Variants in SCMH1 observed in about 807,000 individuals in gnomAD.
SCMH1 encodes the protein Scm polycomb group protein homolog 1, also known as polycomb protein SCMH1.
A neutral mutation model predicts 70.8 loss-of-function variants in SCMH1; 37 were observed. The ratio of observed to expected loss-of-function variants is 0.52; its 90% CI spans 0.40 to 0.69. SCMH1 has a LOEUF of 0.69. SCMH1 is among the 30% of genes least tolerant of loss of function. The pLI is 0.00. For missense variants in SCMH1, 607 were observed against 827.3 expected (o/e 0.73, Z 3.27); for synonymous variants, 292 against 307.4 (o/e 0.95, Z 0.52).
At chr1:41,087,590 G>A (rs896776576) in intron 8 of SCMH1, among the ~76,000 whole-genome samples, 1 of 151,652 alleles carries the variant, frequency 6.6e-6, no homozygotes, top group Non-Finnish European at 1.5e-5. Flanking sequence ...AAAGAGAAAT[G>A]CAAATTAAAA....
At chr1:41,075,849 G>C (rs902222766) in intron 8 of SCMH1, among the ~76,000 whole-genome samples, 1 of 152,148 alleles carries the variant, frequency 6.6e-6, no homozygotes, top group African/African-American at 2.4e-5. Flanking sequence ...GCCCTCCGCA[G>C]GTTACATAGT....
chr1:41,227,020 G>C (rs1660397006), intron 1 of SCMH1, among the ~76,000 whole-genome samples: 1 of 152,176 alleles, frequency 6.6e-6, no homozygotes, highest in Admixed American at 6.5e-5. Flanking sequence ...AGATAGTTCT[G>C]CATCCCCATC....
intron 10 of SCMH1, among the ~76,000 whole-genome samples, chr1:41,059,568 A>C (rs778313434): frequency 4.3e-4 from 65 of 152,036 alleles, no homozygotes; most frequent in Non-Finnish European, 7.8e-4. Flanking sequence ...AACCCTCCAC[A>C]TTCACCATTC....
chr1:41,160,844 A>T (rs777384198), intron 4 of SCMH1, 31 bp downstream of exon 4: 2 of 1,544,774 alleles, frequency 1.3e-6, no homozygotes, highest in South Asian at 2.4e-5. Context: ...AATTCCCCTT[A>T]TTTAACAGAA....
Position 41,091,860 on chromosome 1 carries a change from T to G in SCMH1, c.746-16409A>C, listed in dbSNP as rs532648599. ...AGGAGAACTACAAACCACTGCTCAA[T>G]GAAATAAAAGAGGACACAAACAAAT... is the stretch of plus-strand genomic sequence containing the variant. On this transcript the variant is annotated intron_variant, in intron 8 of 14. Transcript: ENST00000337495. 5.5e-3 allele frequency among the ~76,000 whole-genome samples: 829 copies of G among 152,000 alleles called. 2 individuals carry two copies. The highest frequency in any genetic ancestry group is 0.018 in the African/African-American group (753 of 41,436).
chr1:41,241,629 C>T (rs1430912200), intron 1 of SCMH1, among the ~76,000 whole-genome samples: 2 of 152,072 alleles, frequency 1.3e-5, no homozygotes, highest in Non-Finnish European at 2.9e-5. Flanking sequence ...GACGGGGTCG[C>T]GCCGCCGCCC....
intron 13 of SCMH1, among the ~76,000 whole-genome samples, chr1:41,031,870 GCTA>G (rs1162069443): frequency 1.3e-5 from 2 of 152,052 alleles, no homozygotes; most frequent in East Asian, 1.9e-4. Context: ...ATACACACAT[GCTA>G]CTGACTGAAT....
At position 41,190,121 on chromosome 1, in the gene SCMH1, C is replaced by G. The variant is rs530249015; in HGVS notation, c.-117-3871G>C. Among the ~76,000 whole-genome samples the G allele has an allele frequency of 5.9e-5, 9 of 152,240 alleles. No individual in the cohort carries two copies. The South Asian group carries it at 1.7e-3, about 28-fold the overall frequency. ...TCCATTCTTGCCAGTCCAAACATAT[C>G]AGAAGTAGGATTTTATGTTTCATTC... On this transcript the variant is annotated intron_variant, in intron 1 of 14. Coordinates refer to ENST00000337495, the Ensembl canonical transcript of SCMH1.
rs117848087 is a variant in SCMH1 at position 41,239,729 on chromosome 1, C to G, written c.-118+2330G>C. On this transcript the variant is annotated intron_variant, in intron 1 of 14. Transcript: ENST00000337495. ...CACTGAAGCCTCAAACTCCTTGACT[C>G]AAACGGTCCTCCTGCCTCAGCCTCC... Among the ~76,000 whole-genome samples the G allele has an allele frequency of 1.7e-3, 255 of 152,294 alleles. 6 individuals carry two copies. The East Asian group carries it at 0.041, about 24-fold the overall frequency.
At chr1:41,206,047 A>G (rs1655465108) in intron 1 of SCMH1, among the ~76,000 whole-genome samples, 2 of 147,638 alleles carry the variant, frequency 1.4e-5, no homozygotes, top group African/African-American at 4.8e-5. Flanking sequence ...GGTCACCAAC[A>G]TCAAAGACCA....
intron 13 of SCMH1, among the ~76,000 whole-genome samples, chr1:41,031,460 C>G (rs1048919531): frequency 1.3e-5 from 2 of 152,206 alleles, no homozygotes; most frequent in African/African-American, 4.8e-5. Flanking sequence ...TACACTTTGT[C>G]TGGCCTGGCC....
At chr1:41,063,316 A>G (rs1226178779) in intron 10 of SCMH1, among the ~76,000 whole-genome samples, 1 of 151,934 alleles carries the variant, frequency 6.6e-6, no homozygotes, top group East Asian at 1.9e-4. Context: ...AACTAAAAAT[A>G]TAAAAAATTA....
chr1:41,056,592 T>C (rs2148765017), intron 10 of SCMH1, among the ~76,000 whole-genome samples: 1 of 152,276 alleles, frequency 6.6e-6, no homozygotes, highest in South Asian at 2.1e-4. Context: ...AGCTGAAAAG[T>C]CAACAATCCT....
chr1:41,193,504 T>C (rs72665623), intron 1 of SCMH1, among the ~76,000 whole-genome samples: 12,504 of 151,746 alleles, frequency 0.082, 698 homozygotes, highest in South Asian at 0.15. Flanking sequence ...CAGAAGGGAA[T>C]GATTAACTTT....
At chr1:41,092,866 G>A (rs1664032767) in intron 8 of SCMH1, among the ~76,000 whole-genome samples, 1 of 152,050 alleles carries the variant, frequency 6.6e-6, no homozygotes, top group Non-Finnish European at 1.5e-5. Context: ...TAAAAAGTCA[G>A]GAAACAACAG....
chr1:41,041,336 C>A (rs1646138628), intron 12 of SCMH1: 1 of 152,098 alleles, frequency 6.6e-6, no homozygotes, highest in Non-Finnish European at 1.5e-5. Context: ...ATGATGGATA[C>A]TGAGAATGGT....
At chr1:41,109,132 T>C (rs192920034) in intron 8 of SCMH1, among the ~76,000 whole-genome samples, 208 of 152,320 alleles carry the variant, frequency 1.4e-3, no homozygotes, top group African/African-American at 4.4e-3. Context: ...AAGATCTCCA[T>C]GGTTTCACTC....
intron 2 of SCMH1, among the ~76,000 whole-genome samples, chr1:41,167,676 T>C (rs982507119): frequency 6.6e-6 from 1 of 152,200 alleles, no homozygotes; most frequent in African/African-American, 2.4e-5. Context: ...TAGTAGTCTT[T>C]CATGATCCTT....
At position 41,073,104 on chromosome 1, in the gene SCMH1, G is replaced by A. The variant is rs944164718; in HGVS notation, c.978+2115C>T. ...CAGAGCAGAGGCAATCACAGAATCA[G>A]TTTTTGAGTTTTGAATGATCTTAAA... On this transcript the variant is annotated intron_variant, in intron 9 of 14. Coordinates refer to ENST00000337495, the Ensembl canonical transcript of SCMH1. Among the ~76,000 whole-genome samples the A allele has an allele frequency of 9.9e-5, 15 of 152,280 alleles. 1 individual carries two copies. Among genetic ancestry groups the A allele is most frequent in the Admixed American group, 9.8e-4 (15 of 15,304 alleles).
Sources: gnomAD v4.1 joint callset for allele counts (sites outside exome capture counted in the v4.1 genomes callset) on GRCh38, gnomAD v4.1.1 for gene constraint, MANE v1.5 for transcripts, NCBI Gene and HGNC (gene_info 2026-07-23, HGNC 2026-07-21) for gene names.